Variants in FILIP1L observed in about 807,000 individuals in gnomAD.
FILIP1L encodes filamin A interacting protein 1 like.
Under a neutral mutation model 96.6 loss-of-function variants are expected in FILIP1L, and 55 were observed. The observed-to-expected ratio is 0.57, with a 90% CI of 0.46 to 0.71. The LOEUF (loss-of-function observed/expected upper bound fraction) is 0.71, where lower values mean the gene tolerates loss of function less well. Among genes scored for constraint, FILIP1L ranks in the 30% least tolerant of loss-of-function variants. The pLI is 0.00. For synonymous variants in FILIP1L, 467 were observed against 473.9 expected (o/e 0.99, Z 0.19); for missense variants, 1,304 against 1,321.2 (o/e 0.99, Z 0.20).
intron 1 of FILIP1L, among the ~76,000 whole-genome samples, chr3:100,104,119 T>C (rs2066355309): frequency 6.6e-6 from 1 of 152,176 alleles, no homozygotes; most frequent in South Asian, 2.1e-4. Flanking sequence ...CTGTGTGTGT[T>C]TGGATTGGAG....
At chr3:99,883,682 T>G (rs1705803444) in intron 4 of FILIP1L, among the ~76,000 whole-genome samples, 3 of 152,316 alleles carry the variant, frequency 2.0e-5, no homozygotes, top group South Asian at 4.1e-4. Context: ...GGATAATCAC[T>G]TCTATACTGG....
At chr3:99,991,069 C>T (rs567984722) in intron 1 of FILIP1L, among the ~76,000 whole-genome samples, 4 of 152,296 alleles carry the variant, frequency 2.6e-5, no homozygotes, top group African/African-American at 9.6e-5. Flanking sequence ...GGACAAATGT[C>T]ACTGGGGGTC....
chr3:99,927,701 T>A (rs1707339973), intron 3 of FILIP1L, among the ~76,000 whole-genome samples: 1 of 152,122 alleles, frequency 6.6e-6, no homozygotes, highest in Admixed American at 6.6e-5. Flanking sequence ...TTGGAAGAAC[T>A]AAGAATACCT....
At chr3:99,901,013 T>C (rs1003476686) in intron 4 of FILIP1L, among the ~76,000 whole-genome samples, 1 of 152,254 alleles carries the variant, frequency 6.6e-6, no homozygotes, top group African/African-American at 2.4e-5. Flanking sequence ...TTCTTATTGA[T>C]AATTATGAAG....
intron 4 of FILIP1L, among the ~76,000 whole-genome samples, chr3:99,878,592 T>G (rs375453743): frequency 1.5e-4 from 23 of 152,376 alleles, no homozygotes; most frequent in Middle Eastern, 6.8e-3. Context: ...CTGTTTATTT[T>G]CTAGACTGAA....
intron 1 of FILIP1L, among the ~76,000 whole-genome samples, chr3:100,068,388 G>A (rs2065703373): frequency 1.3e-5 from 2 of 151,754 alleles, no homozygotes; most frequent in Non-Finnish European, 1.5e-5. Context: ...GTGTGTCAGA[G>A]AGATATAGTA....
At chr3:99,938,079 G>A (rs957129635) in intron 1 of FILIP1L, among the ~76,000 whole-genome samples, 26 of 142,522 alleles carry the variant, frequency 1.8e-4, no homozygotes, top group African/African-American at 4.5e-4. Context: ...GTGTGTGCGC[G>A]CGCGCGCGCG....
intron 1 of FILIP1L, among the ~76,000 whole-genome samples, chr3:100,001,680 C>T (rs1367265719): frequency 6.6e-6 from 1 of 152,136 alleles, no homozygotes; most frequent in Non-Finnish European, 1.5e-5. Flanking sequence ...TCTCTTCTTT[C>T]CTCTCCCAAA....
chr3:99,987,482 T>C (rs532529749), intron 1 of FILIP1L, among the ~76,000 whole-genome samples: 9 of 148,058 alleles, frequency 6.1e-5, no homozygotes, highest in African/African-American at 1.8e-4. Context: ...TGAGCCAAGA[T>C]TGTGCCACTG....
chr3:99,967,452 T>C (rs552257087), intron 1 of FILIP1L, among the ~76,000 whole-genome samples: 13 of 152,346 alleles, frequency 8.5e-5, no homozygotes, highest in African/African-American at 2.6e-4. Flanking sequence ...ATTTAATGCA[T>C]TGCAGGAAGA....
At chr3:100,082,370 C>G (rs577095346) in intron 1 of FILIP1L, among the ~76,000 whole-genome samples, 1 of 152,332 alleles carries the variant, frequency 6.6e-6, no homozygotes, top group African/African-American at 2.4e-5. Flanking sequence ...CTCCTCTGTA[C>G]TGCTGGGGAG....
chr3:100,108,752 T>C (rs2066435565), intron 1 of FILIP1L, among the ~76,000 whole-genome samples: 1 of 152,182 alleles, frequency 6.6e-6, no homozygotes, highest in Admixed American at 6.6e-5. Context: ...AACAAATGTA[T>C]GCCCCTTCCA....
intron 1 of FILIP1L, among the ~76,000 whole-genome samples, chr3:99,951,898 A>G (rs1442268052): frequency 6.6e-6 from 1 of 152,210 alleles, no homozygotes; most frequent in Non-Finnish European, 1.5e-5. Context: ...TATTTACAAA[A>G]CAGCCATATT....
At chr3:99,892,935 CA>C (rs1706131479) in intron 4 of FILIP1L, among the ~76,000 whole-genome samples, 1 of 152,082 alleles carries the variant, frequency 6.6e-6, no homozygotes, top group Non-Finnish European at 1.5e-5. Flanking sequence ...TTTTTCTTCA[CA>C]AAGAAGATGA....
Position 100,100,087 on chromosome 3 carries a change from C to T in FILIP1L, c.-11+13966G>A, listed in dbSNP as rs999471723. Reference sequence around the variant, plus strand: ...AGGAGTGGGCAAGTGTGGCATGAGCCGTGAGAGCAGAGGTATTTTGATAAG... The same window carrying T: ...AGGAGTGGGCAAGTGTGGCATGAGCTGTGAGAGCAGAGGTATTTTGATAAG... On this transcript the variant is annotated intron_variant, in intron 1 of 5. Coordinates refer to ENST00000477258, the MANE Select transcript of FILIP1L (RefSeq NM_001387850.1). Among the ~76,000 whole-genome samples the T allele has an allele frequency of 3.9e-5, 6 of 152,194 alleles. No individual in the cohort carries two copies. The South Asian group carries it at 6.2e-4, about 16-fold the overall frequency.
chr3:100,015,972 A>AT (rs1559726267), intron 1 of FILIP1L, among the ~76,000 whole-genome samples: 1 of 152,166 alleles, frequency 6.6e-6, no homozygotes, highest in South Asian at 2.1e-4. Flanking sequence ...TGCCTTTTTA[A>AT]TTTTTTTATT....
intron 1 of FILIP1L, among the ~76,000 whole-genome samples, chr3:100,098,616 T>C (rs904936079): frequency 6.6e-6 from 1 of 152,224 alleles, no homozygotes; most frequent in African/African-American, 2.4e-5. Context: ...GAAGTTATTT[T>C]TGTGCATATA....
At chr3:99,902,835 G>A (rs1706480187) in intron 4 of FILIP1L, among the ~76,000 whole-genome samples, 1 of 152,172 alleles carries the variant, frequency 6.6e-6, no homozygotes, top group African/African-American at 2.4e-5. Flanking sequence ...ACTTCCATGT[G>A]AAGATAGTCT....
intron 1 of FILIP1L, among the ~76,000 whole-genome samples, chr3:100,038,300 G>A (rs1415831433): frequency 6.6e-6 from 1 of 151,986 alleles, no homozygotes; most frequent in African/African-American, 2.4e-5. Flanking sequence ...GAAATAATAA[G>A]AAAAGTAATG....
Sources: allele counts gnomAD v4.1 joint callset (sites outside exome capture counted in the v4.1 genomes callset), GRCh38; gene constraint gnomAD v4.1.1; transcripts MANE v1.5; gene names NCBI Gene and HGNC (gene_info 2026-07-23, HGNC 2026-07-21).